MYO19: variants seen among roughly 807,000 people sequenced by gnomAD.
MYO19 encodes unconventional myosin-XIX.
In MYO19, 132 loss-of-function variants were observed where a neutral mutation model predicts 129.2. The observed-to-expected ratio is 1.02, with a 90% CI of 0.89 to 1.18. The LOEUF (loss-of-function observed/expected upper bound fraction) is 1.18, where lower values mean the gene tolerates loss of function less well. MYO19 is among the 50% of genes most tolerant of loss of function. MYO19 has a pLI of 0.00. For synonymous variants in MYO19, 531 were observed against 477.2 expected (o/e 1.11, Z -1.47); for missense variants, 1,210 against 1,216.7 (o/e 0.99, Z 0.08).
At chr17:36,517,377 A>C (rs2072826148) in intron 6 of MYO19, among the ~76,000 whole-genome samples, 1 of 152,170 alleles carries the variant, frequency 6.6e-6, no homozygotes. Flanking sequence ...CTCCTGCCTC[A>C]GCCTCCTGAG....
At chr17:36,524,274 C>T (rs2073324642) in intron 6 of MYO19, among the ~76,000 whole-genome samples, 1 of 152,180 alleles carries the variant, frequency 6.6e-6, no homozygotes, top group South Asian at 2.1e-4. Context: ...AGACTAAGTG[C>T]CCCCTGAAAG....
chr17:36,526,075 G>A (rs2073445546), intron 5 of MYO19, among the ~76,000 whole-genome samples: 2 of 152,104 alleles, frequency 1.3e-5, no homozygotes, highest in East Asian at 3.9e-4. Flanking sequence ...GCTTGCTGAG[G>A]GAGAAGGCAA....
chr17:36,503,496 G>A (rs564831973), intron 20 of MYO19, among the ~76,000 whole-genome samples: 1 of 152,226 alleles, frequency 6.6e-6, no homozygotes, highest in South Asian at 2.1e-4. Flanking sequence ...CTCCAAAGGG[G>A]CTGACAGGCC....
chr17:36,525,000 T>C (rs988951048), intron 6 of MYO19, among the ~76,000 whole-genome samples: 3 of 152,200 alleles, frequency 2.0e-5, no homozygotes, highest in African/African-American at 4.8e-5. Flanking sequence ...CATTCCTATT[T>C]CACCCAGGGT....
At chr17:36,506,775 G>A in intron 17 of MYO19, 167 bp from the exon 18 acceptor site, 1 of 1,077,410 alleles carries the variant, frequency 9.3e-7, no homozygotes. Context: ...GTCTAACATG[G>A]GTTATCTCCA....
intron 16 of MYO19, 97 bp downstream of exon 16, chr17:36,507,302 G>C: frequency 7.0e-7 from 1 of 1,426,436 alleles, no homozygotes; most frequent in Non-Finnish European, 9.7e-7. Flanking sequence ...GGCAGACTGG[G>C]AGGAGAGAGG....
At chr17:36,518,997 CAG>C (rs1225676008) in intron 6 of MYO19, among the ~76,000 whole-genome samples, 3 of 152,202 alleles carry the variant, frequency 2.0e-5, no homozygotes, top group South Asian at 2.1e-4. Context: ...TGTTTTTAGA[CAG>C]AGTCTTGCTT....
At position 36,528,102 on chromosome 17, in the gene MYO19, T is replaced by A. The variant is rs1187344771; in HGVS notation, c.113A>T (p.Asp38Val). The A allele has an allele frequency of 6.2e-7, 1 of 1,613,846 alleles. No individual in the cohort carries two copies. Among genetic ancestry groups the A allele is most frequent in the East Asian group, 2.2e-5 (1 of 44,882 alleles). Residue 38 changes from aspartate (D) to valine (V), a missense_variant, in exon 4 of 26, where the codon GAT (aspartate) becomes GTT (valine). By Grantham distance (152) the Asp-to-Val change is radical (BLOSUM62 -3). Transcript: ENST00000614623. Reference protein sequence around the residue: ...LGGEVLLYKLDDLTRVNPVTL... With the variant: ...LGGEVLLYKLVDLTRVNPVTL... ...CACAGGATTCACCCTGGTGAGGTCATCCAGTTTGTACAGCAGGACCTCCCC... is the reference window on the plus strand; with the variant it reads ...CACAGGATTCACCCTGGTGAGGTCAACCAGTTTGTACAGCAGGACCTCCCC...
At chr17:36,507,568 CG>C in intron 15 of MYO19, 56 bp from the exon 16 acceptor site, 1 of 1,558,760 alleles carries the variant, frequency 6.4e-7, no homozygotes, top group Non-Finnish European at 8.8e-7. Context: ...GATGTCCTGA[CG>C]GGCCATCCAC....
At chr17:36,528,408 G>A (rs138767405) in intron 3 of MYO19, among the ~76,000 whole-genome samples, 10,717 of 152,220 alleles carry the variant, frequency 0.07, 638 homozygotes, top group African/African-American at 0.16. Context: ...CTACTCGGAA[G>A]GCTGAGGCAG....
intron 11 of MYO19, chr17:36,512,620 G>T: frequency 7.8e-7 from 1 of 1,286,804 alleles, no homozygotes; most frequent in Non-Finnish European, 1.0e-6. Context: ...CTTATCCTGG[G>T]CTTGTCCCCA....
At chr17:36,526,627 C>T (rs537068880) in intron 5 of MYO19, among the ~76,000 whole-genome samples, 4 of 152,298 alleles carry the variant, frequency 2.6e-5, no homozygotes, top group African/African-American at 7.2e-5. Context: ...TGGCTCATGC[C>T]TATAATCTCA....
intron 2 of MYO19, among the ~76,000 whole-genome samples, chr17:36,539,927 TGAG>T (rs1177211365): frequency 6.7e-6 from 1 of 150,116 alleles, no homozygotes; most frequent in East Asian, 2.0e-4. Context: ...ATTAGTGGGA[TGAG>T]GAGTTATAAA....
chr17:36,507,194 C>A (rs1352092588), intron 16 of MYO19, 55 bp from the exon 17 acceptor site: 2 of 1,568,524 alleles, frequency 1.3e-6, no homozygotes, highest in African/African-American at 1.3e-5. Flanking sequence ...TCACCACAAC[C>A]CTCACTGTCC....
chr17:36,533,691 T>C lies in MYO19; in HGVS notation c.-144+262A>G, dbSNP rs79456533. 5.1e-3 allele frequency: 779 copies of C among 152,190 alleles called. 13 individuals carry two copies. The highest frequency in any genetic ancestry group is 0.026 in the East Asian group (136 of 5,184). The allele number at this position is 152,190 out of a possible 1,614,324, so 9.4% of individuals were successfully genotyped here. On this transcript the variant is annotated intron_variant, in intron 2 of 25. Coordinates refer to ENST00000614623, the MANE Select transcript of MYO19 (RefSeq NM_001163735.2). ...GGTGTGGTGCTACAGCCCTAAAAGA[T>C]CCTGACCCTGGACACTGACTGTACC... is the stretch of plus-strand genomic sequence containing the variant.
intron 24 of MYO19, 159 bp from the exon 25 acceptor site, chr17:36,498,718 C>A: frequency 1.3e-6 from 1 of 759,194 alleles, no homozygotes; most frequent in Non-Finnish European, 2.1e-6. Flanking sequence ...GTTCCATATG[C>A]CACAAGTCTA....
intron 16 of MYO19, 35 bp downstream of exon 16, chr17:36,507,364 A>G (rs750576252): frequency 6.3e-7 from 1 of 1,591,252 alleles, no homozygotes; most frequent in South Asian, 1.1e-5. Flanking sequence ...CCAAAGGCCA[A>G]CTCTGGTGCT....
intron 2 of MYO19, among the ~76,000 whole-genome samples, chr17:36,540,899 G>C (rs1378291807): frequency 6.6e-6 from 1 of 152,204 alleles, no homozygotes; most frequent in Non-Finnish European, 1.5e-5. Flanking sequence ...GGGCAGAGGA[G>C]AGGGAAAGAT....
intron 18 of MYO19, 100 bp downstream of exon 18, chr17:36,506,356 G>T: frequency 6.7e-7 from 1 of 1,485,576 alleles, no homozygotes; most frequent in South Asian, 1.1e-5. Flanking sequence ...ACTTGCCACT[G>T]CTCCCCAACA....
Sources: allele counts gnomAD v4.1 joint callset (sites outside exome capture counted in the v4.1 genomes callset), GRCh38; gene constraint gnomAD v4.1.1; transcripts MANE v1.5; gene names NCBI Gene and HGNC (gene_info 2026-07-23, HGNC 2026-07-21).